TNKS: variants seen among roughly 807,000 people sequenced by gnomAD.
TNKS encodes the protein tankyrase.
Under a neutral mutation model 135.8 loss-of-function variants are expected in TNKS, and 72 were observed. The ratio of observed to expected loss-of-function variants is 0.53; its 90% confidence interval spans 0.44 to 0.64. TNKS has a LOEUF of 0.64. Among genes scored for constraint, TNKS ranks in the 30% least tolerant of loss-of-function variants. The pLI, the probability that TNKS is intolerant of heterozygous loss-of-function variation, is 0.00. For synonymous variants in TNKS, 849 were observed against 649.3 expected (o/e 1.31, Z -4.68); for missense variants, 1,769 against 1,674.0 (o/e 1.06, Z -0.99).
At chr8:9,744,246 GTTAACTTTTCTGCTA>G (rs1246460610) in intron 17 of TNKS, among the ~76,000 whole-genome samples, 7 of 152,126 alleles carry the variant, frequency 4.6e-5, no homozygotes, top group Admixed American at 2.0e-4. Flanking sequence ...ATACAAGACA[GTTAACTTTTCTGCTA>G]AGTCAGTAAA....
intron 21 of TNKS, 102 bp downstream of exon 21, chr8:9,761,738 A>G (rs1807159946): frequency 3.2e-6 from 4 of 1,235,280 alleles, no homozygotes; most frequent in Non-Finnish European, 4.4e-6. Context: ...AGAACCATAC[A>G]CTGAACTATT....
chr8:9,656,561 C>G (rs1195068481), intron 3 of TNKS, among the ~76,000 whole-genome samples: 1 of 151,562 alleles, frequency 6.6e-6, no homozygotes, highest in Non-Finnish European at 1.5e-5. Flanking sequence ...ACTCTGCAAG[C>G]CAGAAGAGAG....
intron 25 of TNKS, among the ~76,000 whole-genome samples, chr8:9,769,534 C>G (rs1266508800): frequency 6.6e-6 from 1 of 152,022 alleles, no homozygotes; most frequent in African/African-American, 2.4e-5. Flanking sequence ...TTTCCACCTA[C>G]CCATCCATGC....
rs1464069014 is a variant in TNKS, at chr8:9,779,596, C to G, written c.*2860C>G. On this transcript the variant is annotated 3_prime_UTR_variant, in exon 27 of 27. Transcript: ENST00000310430. ...CTCCCTGTATTTGACCTCCTTCCCT[C>G]TTTCCTAAATTACTAGTCTGGAATT... The G allele has an allele frequency of 6.6e-6, 1 of 152,176 alleles. No homozygotes were observed. The highest frequency in any genetic ancestry group is 2.4e-5 in the African/African-American group (1 of 41,440). 9.4% of individuals were successfully genotyped at this position (152,176 alleles called of 1,614,324 possible).
At position 9,780,510 on chromosome 8, in the gene TNKS, A is replaced by G. The variant is rs914473206; in HGVS notation, c.*3774A>G. 3.9e-5 allele frequency: 6 copies of G among 152,216 alleles called. No individual in the cohort carries two copies. Among genetic ancestry groups the G allele is most frequent in the Non-Finnish European group, 5.9e-5 (4 of 68,036 alleles). 9.4% of individuals were successfully genotyped at this position (152,216 alleles called of 1,614,324 possible). On this transcript the variant is annotated 3_prime_UTR_variant, in exon 27 of 27. Transcript: ENST00000310430. ...GAAGTGAAAAGAAAGTAATTGTGAAAGTGATGTTTGAGCTATTGTACACAT... is the reference window on the plus strand; with the variant it reads ...GAAGTGAAAAGAAAGTAATTGTGAAGGTGATGTTTGAGCTATTGTACACAT...
chr8:9,701,930 C>A (rs952114892), intron 5 of TNKS, among the ~76,000 whole-genome samples: 2 of 152,106 alleles, frequency 1.3e-5, no homozygotes, highest in Non-Finnish European at 2.9e-5. Flanking sequence ...AAGAACCACA[C>A]GGAAAGATGA....
chr8:9,611,661 A>G (rs62493914), intron 2 of TNKS, among the ~76,000 whole-genome samples: 5 of 152,218 alleles, frequency 3.3e-5, no homozygotes, highest in Non-Finnish European at 5.9e-5. Flanking sequence ...CTTGAAAACT[A>G]TTGTTACCTT....
intron 3 of TNKS, among the ~76,000 whole-genome samples, chr8:9,647,282 A>G (rs1415186560): frequency 6.6e-6 from 1 of 152,196 alleles, no homozygotes; most frequent in Non-Finnish European, 1.5e-5. Context: ...CTGTTTGGTC[A>G]AATGATACTA....
At chr8:9,572,605 G>C (rs1166124114) in intron 1 of TNKS, among the ~76,000 whole-genome samples, 1 of 152,122 alleles carries the variant, frequency 6.6e-6, no homozygotes, top group Non-Finnish European at 1.5e-5. Context: ...TAGTAAAACA[G>C]AAAACTTTAA....
chr8:9,663,590 C>T (rs2128789022), intron 3 of TNKS, among the ~76,000 whole-genome samples: 2 of 152,310 alleles, frequency 1.3e-5, no homozygotes, highest in Middle Eastern at 6.8e-3. Context: ...CAGAAGACTA[C>T]ACCCCACTTT....
At chr8:9,618,292 A>G (rs1799727928) in intron 3 of TNKS, among the ~76,000 whole-genome samples, 1 of 152,148 alleles carries the variant, frequency 6.6e-6, no homozygotes, top group Non-Finnish European at 1.5e-5. Context: ...CATCTTATAC[A>G]TAAGAATGCA....
In TNKS at chr8:9,778,106, T is replaced by C. The variant is rs1252394913; in HGVS notation, c.*1370T>C. 6.6e-6 allele frequency: 1 copy of C among 151,800 alleles called. No individual in the cohort carries two copies. The highest frequency in any genetic ancestry group is 1.5e-5 in the Non-Finnish European group (1 of 67,966). 9.4% of individuals were successfully genotyped at this position (151,800 alleles called of 1,614,324 possible). ...CAATTTTCTTTGTGAAATTACTGTT[T>C]ATTTTCATCAACATTTACCAAGTGC... On this transcript the variant is annotated 3_prime_UTR_variant, in exon 27 of 27. Transcript: ENST00000310430.
chr8:9,754,980 G>C (rs1363947510), intron 20 of TNKS, among the ~76,000 whole-genome samples: 1 of 152,146 alleles, frequency 6.6e-6, no homozygotes, highest in Admixed American at 6.5e-5. Context: ...CCATATTACA[G>C]CTATAGCTGT....
intron 25 of TNKS, among the ~76,000 whole-genome samples, chr8:9,769,202 G>A (rs952967450): frequency 6.6e-6 from 1 of 152,164 alleles, no homozygotes; most frequent in African/African-American, 2.4e-5. Flanking sequence ...TGAATGCATG[G>A]CTGTGTGCCA....
intron 3 of TNKS, among the ~76,000 whole-genome samples, chr8:9,663,125 A>G (rs1408706284): frequency 2.0e-5 from 3 of 152,214 alleles, no homozygotes; most frequent in Non-Finnish European, 4.4e-5. Flanking sequence ...GGAAGCTGAA[A>G]AAGACAAGGA....
chr8:9,586,341 C>T (rs2129054648), intron 2 of TNKS, among the ~76,000 whole-genome samples: 1 of 152,180 alleles, frequency 6.6e-6, no homozygotes, highest in Non-Finnish European at 1.5e-5. Context: ...CTAATGAAAG[C>T]AATTTGTTGT....
intron 3 of TNKS, among the ~76,000 whole-genome samples, chr8:9,637,424 G>T (rs2128774819): frequency 6.6e-6 from 1 of 152,078 alleles, no homozygotes; most frequent in East Asian, 1.9e-4. Context: ...TTGAAAATGG[G>T]CCCCAGGTGA....
At chr8:9,583,091 C>T (rs557126543) in intron 2 of TNKS, among the ~76,000 whole-genome samples, 65 of 147,768 alleles carry the variant, frequency 4.4e-4, no homozygotes, top group African/African-American at 1.5e-3. Context: ...GGCATGAACC[C>T]GGGAGGCGGA....
In TNKS at chr8:9,633,923, A is replaced by T. The variant is rs183562196; in HGVS notation, c.994+18246A>T. On this transcript the variant is annotated intron_variant, in intron 3 of 26. Transcript: ENST00000310430. ...GCAACCTTGTTGGAAATGCTGAGTCAGAATCATCCAGCTAACCATTCCCAG... is the reference window on the plus strand; with the variant it reads ...GCAACCTTGTTGGAAATGCTGAGTCTGAATCATCCAGCTAACCATTCCCAG... Among the ~76,000 whole-genome samples the T allele has an allele frequency of 3.3e-3, 502 of 152,284 alleles. 1 individual carries two copies. The highest frequency in any genetic ancestry group is 6.1e-3 in the Non-Finnish European group (413 of 68,026).
Sources: allele counts gnomAD v4.1 joint callset (sites outside exome capture counted in the v4.1 genomes callset), GRCh38; gene constraint gnomAD v4.1.1; transcripts MANE v1.5; gene names NCBI Gene and HGNC (gene_info 2026-07-23, HGNC 2026-07-21).